RFX3: variants seen among roughly 807,000 people sequenced by gnomAD.
The protein encoded by RFX3 is regulatory factor X3, also known as transcription factor RFX3.
In RFX3, 14 loss-of-function variants were observed where a neutral mutation model predicts 98.6. The ratio of observed to expected loss-of-function variants is 0.14; its 90% CI spans 0.09 to 0.22. The LOEUF is 0.22. Among genes scored for constraint, RFX3 ranks in the 10% least tolerant of loss-of-function variants. The pLI is 1.00. For missense variants in RFX3, 639 were observed against 926.9 expected (o/e 0.69, Z 4.03); for synonymous variants, 383 against 328.4 (o/e 1.17, Z -1.80).
At chr9:3,421,234 T>C (rs1220342300) in intron 1 of RFX3, among the ~76,000 whole-genome samples, 1 of 152,102 alleles carries the variant, frequency 6.6e-6, no homozygotes, top group African/African-American at 2.4e-5. Context: ...TTACAGTACG[T>C]TCTGAACTCA....
intron 5 of RFX3, among the ~76,000 whole-genome samples, 187 bp downstream of exon 5, chr9:3,301,359 G>C (rs1428129613): frequency 6.6e-6 from 1 of 151,666 alleles, no homozygotes. Context: ...AATTATACTG[G>C]AGACTCTATT....
intron 15 of RFX3, 24 bp from the exon 16 acceptor site, chr9:3,228,913 C>T (rs1170133762): frequency 6.2e-7 from 1 of 1,601,396 alleles, no homozygotes; most frequent in Non-Finnish European, 8.5e-7. Context: ...GTCATTTGTG[C>T]AATAGTTAAT....
At chr9:3,403,736 C>A (rs1036927978) in intron 1 of RFX3, among the ~76,000 whole-genome samples, 8 of 152,100 alleles carry the variant, frequency 5.3e-5, no homozygotes, top group Admixed American at 3.9e-4. Flanking sequence ...GCTGGAAAGA[C>A]ATACAGGACA....
chr9:3,328,969 C>A (rs1172912603), intron 4 of RFX3, among the ~76,000 whole-genome samples: 4 of 152,292 alleles, frequency 2.6e-5, no homozygotes, highest in African/African-American at 9.6e-5. Context: ...TTCATTGCTG[C>A]TTTAGCTATG....
intron 3 of RFX3, among the ~76,000 whole-genome samples, chr9:3,337,238 A>T (rs1428051005): frequency 6.6e-6 from 1 of 152,214 alleles, no homozygotes; most frequent in African/African-American, 2.4e-5. Context: ...TGAAATAGAT[A>T]CAATAATAAG....
chr9:3,353,737 A>G (rs1232892881), intron 2 of RFX3, among the ~76,000 whole-genome samples: 2 of 152,102 alleles, frequency 1.3e-5, no homozygotes, highest in African/African-American at 2.4e-5. Context: ...GAAGACAGCA[A>G]AATCCAGACT....
intron 2 of RFX3, among the ~76,000 whole-genome samples, chr9:3,381,558 G>C (rs919417946): frequency 1.3e-5 from 2 of 152,084 alleles, no homozygotes; most frequent in Non-Finnish European, 2.9e-5. Context: ...AAGTTAACTT[G>C]AGATTCACAA....
intron 1 of RFX3, among the ~76,000 whole-genome samples, chr9:3,447,132 T>C (rs954284956): frequency 1.3e-5 from 2 of 152,146 alleles, no homozygotes; most frequent in African/African-American, 4.8e-5. Flanking sequence ...CTTGATAATT[T>C]TCTTCTAACA....
At position 3,425,030 on chromosome 9, in the gene RFX3, G is replaced by C. The variant is rs144328516; in HGVS notation, c.-8-29434C>G. The stretch of plus-strand genomic sequence containing the variant: ...AGATCACTTGAGCTCAGGAGTTCAA[G>C]ACCAGCCTGGGCAACAGGCAAAACC... On this transcript the variant is annotated intron_variant, in intron 1 of 16. Transcript: ENST00000617270. Among the ~76,000 whole-genome samples the C allele has an allele frequency of 4.2e-3, 635 of 152,192 alleles. 1 individual carries two copies. The highest frequency in any genetic ancestry group is 0.014 in the African/African-American group (597 of 41,530).
chr9:3,483,303 G>A (rs1240265544), intron 1 of RFX3, among the ~76,000 whole-genome samples: 1 of 152,102 alleles, frequency 6.6e-6, no homozygotes, highest in Non-Finnish European at 1.5e-5. Context: ...CAAATATGCT[G>A]CAACATGGGG....
Position 3,463,852 on chromosome 9 carries a change from C to T in RFX3, c.-9+61895G>A, listed in dbSNP as rs1435068612. On this transcript the variant is annotated intron_variant, in intron 1 of 16. Transcript: ENST00000617270. Reference sequence around the variant, plus strand: ...AGCCAGGCATGGAGGTACACGCCTACGGTCCCAGCTCCTCAGAGGGTGAGG... The same window carrying T: ...AGCCAGGCATGGAGGTACACGCCTATGGTCCCAGCTCCTCAGAGGGTGAGG... 3.3e-5 allele frequency among the ~76,000 whole-genome samples: 5 copies of T among 152,058 alleles called. No homozygotes were observed. The South Asian group carries it at 6.2e-4, about 19-fold the overall frequency.
At chr9:3,443,473 G>C (rs1379543727) in intron 1 of RFX3, among the ~76,000 whole-genome samples, 1 of 152,138 alleles carries the variant, frequency 6.6e-6, no homozygotes, top group East Asian at 1.9e-4. Context: ...TTCTGTTCCT[G>C]TGTTAGTTTG....
intron 4 of RFX3, among the ~76,000 whole-genome samples, chr9:3,327,210 T>C (rs1227241188): frequency 6.6e-6 from 1 of 151,824 alleles, no homozygotes; most frequent in Non-Finnish European, 1.5e-5. Flanking sequence ...AAAAAAAAAA[T>C]CTTGATTTTT....
At chr9:3,236,502 C>G (rs1268890658) in intron 15 of RFX3, among the ~76,000 whole-genome samples, 1 of 152,204 alleles carries the variant, frequency 6.6e-6, no homozygotes, top group Non-Finnish European at 1.5e-5. Context: ...TGAGCACCAA[C>G]CCATGCTACC....
intron 4 of RFX3, among the ~76,000 whole-genome samples, chr9:3,319,613 A>G (rs1350094903): frequency 6.6e-6 from 1 of 152,222 alleles, no homozygotes; most frequent in Admixed American, 6.5e-5. Flanking sequence ...AAATTAATCA[A>G]TTGATAACAT....
chr9:3,356,575 A>C (rs1358670161), intron 2 of RFX3, among the ~76,000 whole-genome samples: 4 of 151,928 alleles, frequency 2.6e-5, no homozygotes, highest in Admixed American at 2.6e-4. Flanking sequence ...TGCCAATCTA[A>C]CACAAATGTT....
At chr9:3,420,847 C>T (rs921124797) in intron 1 of RFX3, 8 of 984,912 alleles carry the variant, frequency 8.1e-6, no homozygotes, top group Middle Eastern at 5.2e-4. Context: ...GCATTCTGTC[C>T]ATTTAAATCC....
At chr9:3,383,292 G>A (rs745828910) in intron 2 of RFX3, among the ~76,000 whole-genome samples, 2 of 152,062 alleles carry the variant, frequency 1.3e-5, no homozygotes, top group Admixed American at 1.3e-4. Flanking sequence ...TATATCCTGG[G>A]TGCTCTTCTT....
At chr9:3,483,809 T>C (rs1259289184) in intron 1 of RFX3, among the ~76,000 whole-genome samples, 1 of 152,192 alleles carries the variant, frequency 6.6e-6, no homozygotes, top group Admixed American at 6.5e-5. Context: ...TATACATGCA[T>C]TACCTGAGTA....
Sources: allele counts gnomAD v4.1 joint callset (sites outside exome capture counted in the v4.1 genomes callset), GRCh38; gene constraint gnomAD v4.1.1; transcripts MANE v1.5; gene names NCBI Gene and HGNC (gene_info 2026-07-23, HGNC 2026-07-21).